DLGAP1: variants seen among roughly 807,000 people sequenced by gnomAD.
DLGAP1 encodes the protein disks large-associated protein 1.
A neutral mutation model predicts 90.8 loss-of-function variants in DLGAP1; 11 were observed. The observed-to-expected ratio is 0.12, with a 90% CI of 0.08 to 0.20. DLGAP1 has a LOEUF of 0.20. Ranked by LOEUF, DLGAP1 falls within the 10% of genes least tolerant of loss-of-function variation. The pLI is 1.00. For missense variants in DLGAP1, 1,050 were observed against 1,333.8 expected (o/e 0.79, Z 3.31); for synonymous variants, 558 against 540.7 (o/e 1.03, Z -0.44).
rs570512979 is a variant in DLGAP1, at chr18:4,215,454, G to A, written c.-266-64167C>T. On this transcript the variant is annotated intron_variant, in intron 1 of 12. Coordinates refer to ENST00000315677, the MANE Select transcript of DLGAP1 (RefSeq NM_004746.4). ...ACGAGCAGAGTCTCATTCTTTGAAC[G>A]GCGTATCTCATATGATCCAGGTTTC... 1.1e-4 allele frequency among the ~76,000 whole-genome samples: 16 copies of A among 152,162 alleles called. 1 individual carries two copies. The South Asian group carries it at 3.1e-3, about 30-fold the overall frequency.
chr18:4,322,943 G>GAAAAAAAAAAAAAAAAAAAAAAAAAA (rs60113288), intron 1 of DLGAP1, among the ~76,000 whole-genome samples: 1 of 97,602 alleles, frequency 1.0e-5, no homozygotes, highest in Non-Finnish European at 1.9e-5. Context: ...CCTGGGCACA[G>GAAAAAAAAAAAAAAAAAAAAAAAAAA]AAAAAAAAAA....
intron 1 of DLGAP1, among the ~76,000 whole-genome samples, chr18:4,445,840 T>C (rs182197488): frequency 6.6e-6 from 1 of 152,180 alleles, no homozygotes; most frequent in Admixed American, 6.5e-5. Flanking sequence ...AGTCATAAAA[T>C]GTGTGCTGTG....
intron 2 of DLGAP1, among the ~76,000 whole-genome samples, chr18:4,118,884 C>T (rs1440306457): frequency 2.0e-5 from 3 of 152,074 alleles, no homozygotes; most frequent in African/African-American, 7.2e-5. Flanking sequence ...TTAAAAAATG[C>T]TTTCCTCCTG....
intron 3 of DLGAP1, among the ~76,000 whole-genome samples, chr18:3,921,698 A>T (rs1036733092): frequency 3.3e-5 from 5 of 152,220 alleles, no homozygotes; most frequent in Non-Finnish European, 7.3e-5. Flanking sequence ...ATAAGCACAG[A>T]AGCACATGTT....
At chr18:4,191,581 A>C (rs2077400570) in intron 1 of DLGAP1, among the ~76,000 whole-genome samples, 1 of 152,254 alleles carries the variant, frequency 6.6e-6, no homozygotes, top group Non-Finnish European at 1.5e-5. Context: ...GAGTGGCCAT[A>C]GTGATCTCAC....
intron 1 of DLGAP1, among the ~76,000 whole-genome samples, chr18:4,247,472 T>G (rs1267635564): frequency 6.6e-6 from 1 of 152,126 alleles, no homozygotes; most frequent in East Asian, 1.9e-4. Context: ...CTGTGAAAAG[T>G]GTCCTTAAAA....
chr18:3,583,863 G>T (rs949246651), intron 7 of DLGAP1, among the ~76,000 whole-genome samples: 1 of 152,216 alleles, frequency 6.6e-6, no homozygotes, highest in Non-Finnish European at 1.5e-5. Flanking sequence ...TAGCAGAATT[G>T]CTTGAACCTG....
intron 2 of DLGAP1, among the ~76,000 whole-genome samples, chr18:4,055,410 A>G (rs531234590): frequency 1.3e-5 from 2 of 152,314 alleles, no homozygotes; most frequent in South Asian, 4.1e-4. Context: ...CCTGATAGGT[A>G]GTTTTTTATC....
In DLGAP1 at chr18:3,752,040, C is replaced by A. The variant is rs2063520155; in HGVS notation, c.1173-9528G>T. On this transcript the variant is annotated intron_variant, in intron 5 of 12. Coordinates refer to ENST00000315677, the MANE Select transcript of DLGAP1 (RefSeq NM_004746.4). ...CTGGGATTACAAGTATGTGCCACCA[C>A]ACCCAGCTAATTTTTGTATTTTTAG... Among the ~76,000 whole-genome samples, 3 of 151,540 alleles carry A rather than the reference C, an allele frequency of 2.0e-5. No individual in the cohort carries two copies. The South Asian group carries it at 6.3e-4, about 32-fold the overall frequency.
chr18:4,350,696 A>G (rs2081386973), intron 1 of DLGAP1, among the ~76,000 whole-genome samples: 2 of 152,144 alleles, frequency 1.3e-5, no homozygotes, highest in African/African-American at 4.8e-5. Context: ...ATTTCATAAC[A>G]TACATATATT....
At chr18:3,846,221 A>G (rs2069005270) in intron 4 of DLGAP1, among the ~76,000 whole-genome samples, 1 of 152,188 alleles carries the variant, frequency 6.6e-6, no homozygotes, top group Non-Finnish European at 1.5e-5. Flanking sequence ...GATCACTTTT[A>G]GGTTATCAAT....
intron 1 of DLGAP1, among the ~76,000 whole-genome samples, chr18:4,377,557 T>G (rs1039745218): frequency 5.9e-5 from 9 of 152,150 alleles, no homozygotes; most frequent in African/African-American, 2.2e-4. Context: ...GAGCTTACAC[T>G]CCTTAGGAAT....
chr18:3,545,184 G>C (rs2052941831), intron 9 of DLGAP1, among the ~76,000 whole-genome samples: 1 of 151,882 alleles, frequency 6.6e-6, no homozygotes, highest in African/African-American at 2.4e-5. Context: ...CAAGGCAGGA[G>C]AATCAGTCAA....
chr18:3,569,430 A>G (rs552011657), intron 8 of DLGAP1, among the ~76,000 whole-genome samples: 11 of 151,790 alleles, frequency 7.2e-5, no homozygotes, highest in Non-Finnish European at 1.6e-4. Flanking sequence ...ATGAACCTAA[A>G]CTCTTTCTCT....
At chr18:3,570,569 A>G (rs1033821565) in intron 8 of DLGAP1, among the ~76,000 whole-genome samples, 4 of 151,758 alleles carry the variant, frequency 2.6e-5, no homozygotes, top group African/African-American at 9.7e-5. Context: ...GGCCTTTCCT[A>G]ATATAATTTT....
In DLGAP1 at chr18:3,508,674, A is replaced by G; in HGVS notation, c.2480-13T>C. ...ATTTTTCCTAGAACTGGAAAGAGCA[A>G]ACATACGAGAAATTTACACATCATG... On this transcript the variant is annotated splice_polypyrimidine_tract_variant and intron_variant, in intron 10 of 12. Coordinates refer to ENST00000315677, the MANE Select transcript of DLGAP1 (RefSeq NM_004746.4). 1.9e-6 allele frequency: 3 copies of G among 1,602,686 alleles called. No individual in the cohort carries two copies. The highest frequency in any genetic ancestry group is 2.6e-6 in the Non-Finnish European group (3 of 1,170,776).
chr18:3,787,065 A>G (rs1281171737), intron 5 of DLGAP1, among the ~76,000 whole-genome samples: 2 of 152,204 alleles, frequency 1.3e-5, no homozygotes, highest in Admixed American at 1.3e-4. Flanking sequence ...AGCAGAAGTA[A>G]TGAGTATTAC....
chr18:3,985,514 C>T (rs1040785663), intron 3 of DLGAP1, among the ~76,000 whole-genome samples: 16 of 136,112 alleles, frequency 1.2e-4, no homozygotes, highest in African/African-American at 3.3e-4. Flanking sequence ...CCTGGGCCTT[C>T]GACTTACTTT....
At position 4,066,084 on chromosome 18, in the gene DLGAP1, G is replaced by A. The variant is rs943200972; in HGVS notation, c.-158-60883C>T. The stretch of plus-strand genomic sequence containing the variant: ...AATGGGGAAAGGATACTCTTAAATG[G>A]TGTTGGGATAACTGGCTAGCCATAT... On this transcript the variant is annotated intron_variant, in intron 2 of 12. Coordinates refer to ENST00000315677, the MANE Select transcript of DLGAP1 (RefSeq NM_004746.4). Among the ~76,000 whole-genome samples the A allele has an allele frequency of 7.9e-5, 12 of 152,030 alleles. No homozygotes were observed. In the East Asian group the frequency reaches 1.2e-3, roughly 15 times the overall value.
Sources: gnomAD v4.1 joint callset for allele counts (sites outside exome capture counted in the v4.1 genomes callset) on GRCh38, gnomAD v4.1.1 for gene constraint, MANE v1.5 for transcripts, NCBI Gene and HGNC (gene_info 2026-07-23, HGNC 2026-07-21) for gene names.